Variants in COP1 observed in about 807,000 individuals in gnomAD.
The protein encoded by COP1 is COP1 E3 ubiquitin ligase, also known as E3 ubiquitin-protein ligase COP1.
COP1 carries 24 observed loss-of-function variants against 101.3 expected under a neutral mutation model. That is an observed-to-expected ratio of 0.24 (90% confidence interval 0.17 to 0.33). The LOEUF is 0.33. COP1 is among the 10% of genes least tolerant of loss of function. COP1 has a pLI of 1.00. For synonymous variants in COP1, 347 were observed against 341.9 expected (o/e 1.01, Z -0.17); for missense variants, 663 against 906.2 (o/e 0.73, Z 3.45).
At chr1:175,998,925 C>T (rs964203042) in intron 15 of COP1, among the ~76,000 whole-genome samples, 1 of 152,038 alleles carries the variant, frequency 6.6e-6, no homozygotes, top group African/African-American at 2.4e-5. Context: ...ACATGGCACA[C>T]TCAATTCCAC....
intron 8 of COP1, 63 bp downstream of exon 8, chr1:176,134,947 G>A (rs1461085835): frequency 8.1e-7 from 1 of 1,228,214 alleles, no homozygotes; most frequent in African/African-American, 1.5e-5. Flanking sequence ...GCTCCTAAAG[G>A]ACTAGACCAT....
intron 9 of COP1, among the ~76,000 whole-genome samples, chr1:176,096,180 T>A (rs191463200): frequency 2.0e-5 from 3 of 152,170 alleles, no homozygotes; most frequent in Non-Finnish European, 2.9e-5. Flanking sequence ...TGCTGCCCAA[T>A]GTGAGGCCAA....
chr1:176,107,532 ATATAT>A lies in COP1; in HGVS notation c.1026+9087_1026+9091del, dbSNP rs1224381454. 2.0e-5 allele frequency among the ~76,000 whole-genome samples: 3 copies of A among 152,180 alleles called. No individual in the cohort carries two copies. In the East Asian group the frequency reaches 5.8e-4, roughly 29 times the overall value. ...AGTTTCAAAATTAGTAACAGAATAT[ATATAT>A]TAATGACCCAGGATTCCACAACAAT... On this transcript the variant is annotated intron_variant, in intron 9 of 19. Coordinates refer to ENST00000367669, the MANE Select transcript of COP1 (RefSeq NM_022457.7).
chr1:176,173,985 T>TAAAAAAA (rs1558258086), intron 3 of COP1, among the ~76,000 whole-genome samples: 2 of 4,896 alleles, frequency 4.1e-4, no homozygotes, highest in Non-Finnish European at 1.4e-3. Flanking sequence ...AGATGCTGTC[T>TAAAAAAA]CAAAAAAAAA....
chr1:176,111,483 CG>C (rs1685281490), intron 9 of COP1, among the ~76,000 whole-genome samples: 2 of 151,966 alleles, frequency 1.3e-5, no homozygotes, highest in Non-Finnish European at 2.9e-5. Flanking sequence ...TTAGTAGAGA[CG>C]GGGTTTCACC....
At chr1:175,993,000 G>T (rs895019112) in intron 15 of COP1, among the ~76,000 whole-genome samples, 2 of 152,116 alleles carry the variant, frequency 1.3e-5, no homozygotes, top group African/African-American at 4.8e-5. Flanking sequence ...CACCCAGTAG[G>T]GGCAAACTGA....
chr1:176,140,948 C>T (rs1184270202), intron 6 of COP1, among the ~76,000 whole-genome samples: 2 of 152,068 alleles, frequency 1.3e-5, no homozygotes, highest in East Asian at 1.9e-4. Context: ...AAACATTTAA[C>T]GTAAAGGTAA....
chr1:176,126,085 G>T (rs1012098555), intron 8 of COP1, among the ~76,000 whole-genome samples: 1 of 152,136 alleles, frequency 6.6e-6, no homozygotes, highest in African/African-American at 2.4e-5. Context: ...CAACTTCACT[G>T]AATCTGTATC....
chr1:176,169,467 G>A (rs1032252638), intron 3 of COP1, among the ~76,000 whole-genome samples: 9 of 152,162 alleles, frequency 5.9e-5, no homozygotes, highest in African/African-American at 2.2e-4. Flanking sequence ...GTACCTTGGA[G>A]AAATCGCAGG....
intron 3 of COP1, among the ~76,000 whole-genome samples, chr1:176,173,794 C>G (rs948272856): frequency 2.6e-5 from 4 of 151,652 alleles, no homozygotes; most frequent in Admixed American, 1.3e-4. Context: ...TCGAGACCAG[C>G]CTATCCAACA....
Position 176,032,036 on chromosome 1 carries a change from T to G in COP1, c.1613-4348A>C, listed in dbSNP as rs186554002. 6.6e-5 allele frequency among the ~76,000 whole-genome samples: 10 copies of G among 152,332 alleles called. No homozygotes were observed. In the East Asian group the frequency reaches 1.9e-3, roughly 29 times the overall value. On this transcript the variant is annotated intron_variant, in intron 14 of 19. Coordinates refer to ENST00000367669, the MANE Select transcript of COP1 (RefSeq NM_022457.7). ...TACTGCATGTCTATTTGCACCAAAG[T>G]ATCCTAAGAAAGAATTCATTACCAA...
chr1:175,997,776 T>C (rs374953663), intron 15 of COP1, among the ~76,000 whole-genome samples: 8 of 152,136 alleles, frequency 5.3e-5, no homozygotes, highest in Non-Finnish European at 7.4e-5. Flanking sequence ...TGTGGAGAAA[T>C]AGGAACACTT....
intron 10 of COP1, among the ~76,000 whole-genome samples, chr1:176,082,920 C>A (rs923792302): frequency 6.6e-6 from 1 of 152,086 alleles, no homozygotes; most frequent in Admixed American, 6.6e-5. Context: ...AAACACTAAG[C>A]AAATTCATCA....
intron 16 of COP1, chr1:175,989,092 T>C: frequency 3.8e-6 from 1 of 266,060 alleles, no homozygotes; most frequent in Admixed American, 4.9e-5. Context: ...TCAAATGCAA[T>C]TAAACATAGG....
At chr1:176,145,970 T>C (rs1252138637) in intron 6 of COP1, among the ~76,000 whole-genome samples, 1 of 152,206 alleles carries the variant, frequency 6.6e-6, no homozygotes, top group Admixed American at 6.5e-5. Context: ...ATGGTCACTC[T>C]ACTGTAATTC....
At chr1:176,061,217 TAAGTA>T (rs1316591755) in intron 11 of COP1, among the ~76,000 whole-genome samples, 2 of 152,238 alleles carry the variant, frequency 1.3e-5, no homozygotes, top group Non-Finnish European at 1.5e-5. Context: ...AACAGACAGT[TAAGTA>T]GACTCACATA....
chr1:176,119,948 A>T (rs1686834814), intron 8 of COP1, among the ~76,000 whole-genome samples: 1 of 152,186 alleles, frequency 6.6e-6, no homozygotes, highest in Non-Finnish European at 1.5e-5. Context: ...TAGCAGAGTT[A>T]TTATTCAAAC....
At chr1:176,167,376 C>G (rs1695303342) in intron 3 of COP1, among the ~76,000 whole-genome samples, 1 of 152,008 alleles carries the variant, frequency 6.6e-6, no homozygotes, top group South Asian at 2.1e-4. Flanking sequence ...CCATCGTGGT[C>G]CCTGACGCAT....
In COP1 at chr1:175,985,693, C is replaced by T. The variant is rs142378466; in HGVS notation, c.2133+1250G>A. Among the ~76,000 whole-genome samples the T allele has an allele frequency of 1.7e-3, 257 of 152,274 alleles. 1 individual carries two copies. Among genetic ancestry groups the T allele is most frequent in the African/African-American group, 5.9e-3 (246 of 41,564 alleles). On this transcript the variant is annotated intron_variant, in intron 18 of 19. Transcript: ENST00000367669. The stretch of plus-strand genomic sequence containing the variant: ...ACAATCCAAATCTGGTAATTCTTTC[C>T]TGTCTTGTTTGCTTTCCAATGCTTT...
Sources: gnomAD v4.1 joint callset for allele counts (sites outside exome capture counted in the v4.1 genomes callset) on GRCh38, gnomAD v4.1.1 for gene constraint, MANE v1.5 for transcripts, NCBI Gene and HGNC (gene_info 2026-07-23, HGNC 2026-07-21) for gene names.